Variants in KLF4 observed in about 807,000 individuals in gnomAD.
KLF4 encodes the protein Krueppel-like factor 4.
A neutral mutation model predicts 38.0 loss-of-function variants in KLF4; 14 were observed. That is an observed-to-expected ratio of 0.37 (90% CI 0.24 to 0.58). The LOEUF is 0.58. Among genes scored for constraint, KLF4 ranks in the 20% least tolerant of loss-of-function variants. The pLI is 0.76. For synonymous variants in KLF4, 398 were observed against 302.5 expected, an observed-to-expected ratio of 1.32 and a Z score of -3.28; for missense variants, 737 against 670.1, an observed-to-expected ratio of 1.10 and a Z score of -1.10.
Position 107,487,199 on chromosome 9 carries a change from G to T in KLF4, c.1100-7C>A, listed in dbSNP as rs188071068. 835 of 1,613,794 alleles carry T rather than the reference G, an allele frequency of 5.2e-4. 8 individuals carry two copies. The East Asian group carries it at 0.016, about 31-fold the overall frequency. On this transcript the variant is annotated splice_region_variant and splice_polypyrimidine_tract_variant and intron_variant, in intron 3 of 4. Coordinates refer to ENST00000374672, the MANE Select transcript of KLF4 (RefSeq NM_004235.6). The surrounding 1 kb of genome is among the most constrained non-coding windows in gnomAD (Gnocchi z 6.1). ...GAACCGGGTGGCATGAGCTCTAGGG[G>T]TGAAGAAGGTGGGGTGAGCATCATC...
At chr9:107,486,100 A>T (rs1829058484) in intron 4 of KLF4, among the ~76,000 whole-genome samples, 174 bp from the exon 5 acceptor site, 1 of 152,190 alleles carries the variant, frequency 6.6e-6, no homozygotes, top group South Asian at 2.1e-4. Context: ...ACAGAAATAC[A>T]TTCCGTGCTT....
chr9:107,487,169 T>A lies in KLF4; in HGVS notation c.1123A>T (p.Met375Leu). ...CTCTTTGGCTTGGGCTCCTCTGGCATGCAGGAACCGGGTGGCATGAGCTCT... is the reference window on the plus strand; with the variant it reads ...CTCTTTGGCTTGGGCTCCTCTGGCAAGCAGGAACCGGGTGGCATGAGCTCT... ...YQELMPPGSC[M>L]PEEPKPKRGR... is the part of the protein sequence containing the mutation. Residue 375 changes from methionine (M) to leucine (L), a missense_variant, in exon 4 of 5, where the codon ATG (methionine) becomes TTG (leucine). Met to Leu is a conservative substitution (Grantham distance 15, BLOSUM62 2). This residue lies in a region of KLF4 where 695 missense variants were observed against 554.5 expected (regional missense o/e 1.25). Coordinates refer to ENST00000374672, the MANE Select transcript of KLF4 (RefSeq NM_004235.6). The surrounding 1 kb of genome is among the most constrained non-coding windows in gnomAD (Gnocchi z 6.1). The A allele has an allele frequency of 6.2e-7, 1 of 1,614,186 alleles. No individual in the cohort carries two copies. Among genetic ancestry groups the A allele is most frequent in the Non-Finnish European group, 8.5e-7 (1 of 1,180,028 alleles).
Position 107,489,468 on chromosome 9 carries a change from G to A in KLF4, c.-296C>T. ...AGCGTCCCCCACCACTGTCGCGGTC[G>A]CCTCGAGTGCTGCCGTGGGCGCAGG... On this transcript the variant is annotated 5_prime_UTR_variant, in exon 1 of 5. Transcript: ENST00000374672. The A allele has an allele frequency of 2.7e-6, 1 of 368,910 alleles. No homozygotes were observed. The highest frequency in any genetic ancestry group is 4.8e-6 in the Non-Finnish European group (1 of 207,892). The allele number at this position is 368,910 out of a possible 1,614,324, so 22.9% of individuals were successfully genotyped here.
At position 107,485,772 on chromosome 9, in the gene KLF4, T is replaced by C; in HGVS notation, c.1419A>G (p.Leu473=). The change falls in exon 5 of 5, where the codon TTA becomes TTG. Residue 473 remains leucine (L), a synonymous_variant. Transcript: ENST00000374672. This position sits in a 1 kb window ranked among gnomAD's most constrained non-coding sequence, Gnocchi z 4.9. ...RAFSRSDHLA[L]HMKRHF ...GGATTTAAAAATGCCTCTTCATGTGTAAGGCGAGGTGGTCCGACCTGGAAA... is the reference window on the plus strand; with the variant it reads ...GGATTTAAAAATGCCTCTTCATGTGCAAGGCGAGGTGGTCCGACCTGGAAA... 1 of 1,598,314 alleles carries C rather than the reference T, an allele frequency of 6.3e-7. No individual in the cohort carries two copies. Among genetic ancestry groups the C allele is most frequent in the South Asian group, 1.1e-5 (1 of 87,938 alleles).
At chr9:107,486,065 G>T in intron 4 of KLF4, 139 bp from the exon 5 acceptor site, 2 of 695,294 alleles carry the variant, frequency 2.9e-6, no homozygotes, top group Non-Finnish European at 2.4e-6. Context: ...ACCACTGAAG[G>T]GGTGTATTGA....
At position 107,487,707 on chromosome 9, in the gene KLF4, G is replaced by C. The variant is rs1168658928; in HGVS notation, c.687C>G (p.Phe229Leu). The C allele has an allele frequency of 2.5e-6, 4 of 1,604,510 alleles. No individual in the cohort carries two copies. In the African/African-American group the frequency reaches 4.0e-5, roughly 16 times the overall value. ...QPPGGGLMGK[F>L]VLKASLSAPG... ...GGGCGCTCAGCGACGCCTTCAGCAC[G>C]AACTTGCCCATCAGCCCGCCACCTG... Residue 229 changes from phenylalanine to leucine, a missense_variant, in exon 3 of 5, where the codon TTC becomes TTG. By Grantham distance (22) the Phe-to-Leu change is conservative. Transcript: ENST00000374672. The surrounding 1 kb of genome is among the most constrained non-coding windows in gnomAD (Gnocchi z 6.1).
chr9:107,489,342 T>C lies in KLF4; in HGVS notation c.-170A>G. ...AAGCGTCTTTTTTAAAAAGTTCCTT[T>C]GTATACAAAAGTTCTTAGAAAAGTT... On this transcript the variant is annotated 5_prime_UTR_variant, in exon 1 of 5. Transcript: ENST00000374672. The C allele has an allele frequency of 1.1e-6, 1 of 938,584 alleles. No homozygotes were observed. The highest frequency in any genetic ancestry group is 3.6e-5 in the Admixed American group (1 of 27,788). 58.1% of individuals were successfully genotyped at this position (938,584 alleles called of 1,614,324 possible).
Position 107,487,567 on chromosome 9 carries a change from T to G in KLF4, c.827A>C (p.Lys276Thr). 6.3e-7 allele frequency: 1 copy of G among 1,580,878 alleles called. No homozygotes were observed. The highest frequency in any genetic ancestry group is 1.3e-5 in the African/African-American group (1 of 74,446). Residue 276 changes from lysine to threonine, a missense_variant, in exon 3 of 5, where the codon AAG (lysine) becomes ACG (threonine). Lys to Thr is a moderately conservative substitution (Grantham distance 78). Transcript: ENST00000374672. This position sits in a 1 kb window ranked among gnomAD's most constrained non-coding sequence, Gnocchi z 6.1. Reference protein sequence around the residue: ...YNGGPPRTCPKIKQEAVSSCT... With the variant: ...YNGGPPRTCPTIKQEAVSSCT... ...CGAAGAGACCGCCTCCTGCTTGATCTTGGGGCACGTGCGCGGCGGCCCGCC... is the reference window on the plus strand; with the variant it reads ...CGAAGAGACCGCCTCCTGCTTGATCGTGGGGCACGTGCGCGGCGGCCCGCC...
Position 107,489,457 on chromosome 9 carries a change from C to G in KLF4, c.-285G>C, listed in dbSNP as rs903553970. ...TTCCACTCAGCAGCGTCCCCCACCA[C>G]TGTCGCGGTCGCCTCGAGTGCTGCC... On this transcript the variant is annotated 5_prime_UTR_variant, in exon 1 of 5. Coordinates refer to ENST00000374672, the MANE Select transcript of KLF4 (RefSeq NM_004235.6). 3.8e-5 allele frequency: 14 copies of G among 371,060 alleles called. No homozygotes were observed. Among genetic ancestry groups the G allele is most frequent in the Non-Finnish European group, 6.2e-5 (13 of 209,608 alleles). The allele number at this position is 371,060 out of a possible 1,614,324, so 23.0% of individuals were successfully genotyped here.
rs1829137167 is a variant in KLF4, at chr9:107,488,793, G to A, written c.126+137C>T. 3.3e-6 allele frequency: 4 copies of A among 1,224,640 alleles called. No homozygotes were observed. The highest frequency in any genetic ancestry group is 1.5e-5 in the South Asian group (1 of 65,528). 75.9% of individuals were successfully genotyped at this position (1,224,640 alleles called of 1,614,324 possible). On this transcript the variant is annotated intron_variant, in intron 2 of 4. Transcript: ENST00000374672. This position sits in a 1 kb window ranked among gnomAD's most constrained non-coding sequence, Gnocchi z 5.7. ...GAGCCAAGGACACGGAAGCTATCCC[G>A]GGAAGGTTGCGGAGTCCGCGCGGTG...
In KLF4 at chr9:107,487,667, C is replaced by G. The variant is rs376677947; in HGVS notation, c.727G>C (p.Gly243Arg). 2 of 1,591,812 alleles carry G rather than the reference C, an allele frequency of 1.3e-6. No homozygotes were observed. The highest frequency in any genetic ancestry group is 1.1e-5 in the South Asian group (1 of 90,796). The change falls in exon 3 of 5, where the codon GGC becomes CGC. Residue 243 changes from glycine (G) to arginine (R), a missense_variant. Coordinates refer to ENST00000374672, the MANE Select transcript of KLF4 (RefSeq NM_004235.6). The surrounding 1 kb of genome is among the most constrained non-coding windows in gnomAD (Gnocchi z 6.1). ...ASLSAPGSEY[G>R]SPSVISVSKG... ...CTGACGCTGATGACCGACGGGCTGC[C>G]GTACTCGCTGCCAGGGGCGCTCAGC...
rs781728693 is a variant in KLF4 at position 107,487,115 on chromosome 9, T to C, written c.1177A>G (p.Thr393Ala). 1 of 1,614,098 alleles carries C rather than the reference T, an allele frequency of 6.2e-7. No homozygotes were observed. The highest frequency in any genetic ancestry group is 8.5e-7 in the Non-Finnish European group (1 of 1,180,020). Residue 393 changes from threonine (T) to alanine (A), a missense_variant, in exon 4 of 5, where the codon ACC (threonine) becomes GCC (alanine). Transcript: ENST00000374672. The surrounding 1 kb of genome is among the most constrained non-coding windows in gnomAD (Gnocchi z 6.1). Reference sequence around the variant, plus strand: ...GCGTAATCACAAGTGTGGGTGGCGGTCCTTTTCCGGGGCCACGATCGTCTT... The same window carrying C: ...GCGTAATCACAAGTGTGGGTGGCGGCCCTTTTCCGGGGCCACGATCGTCTT... ...RGRRSWPRKR[T>A]ATHTCDYAGC... is the part of the protein sequence containing the mutation.
At position 107,485,546 on chromosome 9, in the gene KLF4, C is replaced by G. The variant is rs1829044654; in HGVS notation, c.*205G>C. 2.0e-6 allele frequency: 1 copy of G among 494,934 alleles called. No homozygotes were observed. The highest frequency in any genetic ancestry group is 4.2e-5 in the Admixed American group (1 of 23,774). 30.7% of individuals were successfully genotyped at this position (494,934 alleles called of 1,614,324 possible). On this transcript the variant is annotated 3_prime_UTR_variant, in exon 5 of 5. Transcript: ENST00000374672. This position sits in a 1 kb window ranked among gnomAD's most constrained non-coding sequence, Gnocchi z 4.9. ...GAATTGGAATGATAGAAGATCCAGT[C>G]ACAGACCCCATCTGTTCTTTGATTT... is the stretch of plus-strand genomic sequence containing the variant.
chr9:107,488,735 T>C lies in KLF4; in HGVS notation c.126+195A>G, dbSNP rs1247629189. Reference sequence around the variant, plus strand: ...AGACCCGGCTTGCGCCCCAGGCGGCTCCGCAGTGCTCGCACCACGGGCATA... The same window carrying C: ...AGACCCGGCTTGCGCCCCAGGCGGCCCCGCAGTGCTCGCACCACGGGCATA... On this transcript the variant is annotated intron_variant, in intron 2 of 4. Coordinates refer to ENST00000374672, the MANE Select transcript of KLF4 (RefSeq NM_004235.6). This position sits in a 1 kb window ranked among gnomAD's most constrained non-coding sequence, Gnocchi z 5.7. Among the ~76,000 whole-genome samples, 1 of 152,038 alleles carries C rather than the reference T, an allele frequency of 6.6e-6. No individual in the cohort carries two copies. The highest frequency in any genetic ancestry group is 1.5e-5 in the Non-Finnish European group (1 of 68,016).
Position 107,485,823 on chromosome 9 carries a change from G to A in KLF4, c.1368C>T (p.Phe456=), listed in dbSNP as rs1000148821. ...HYRKHTGHRP[F]QCQKCDRAFS... ...ATGCTCGGTCGCATTTTTGGCACTGGAACGGGCGGTGCCCCGTGTGTTTAC... is the reference window on the plus strand; with the variant it reads ...ATGCTCGGTCGCATTTTTGGCACTGAAACGGGCGGTGCCCCGTGTGTTTAC... The change falls in exon 5 of 5, where the codon TTC becomes TTT. Residue 456 remains phenylalanine, a synonymous_variant. Transcript: ENST00000374672. This position sits in a 1 kb window ranked among gnomAD's most constrained non-coding sequence, Gnocchi z 4.9. The A allele has an allele frequency of 4.3e-6, 7 of 1,610,168 alleles. No homozygotes were observed. The highest frequency in any genetic ancestry group is 5.9e-6 in the Non-Finnish European group (7 of 1,178,800).
Position 107,488,812 on chromosome 9 carries a change from C to T in KLF4, c.126+118G>A, listed in dbSNP as rs1239579452. On this transcript the variant is annotated intron_variant, in intron 2 of 4. Coordinates refer to ENST00000374672, the MANE Select transcript of KLF4 (RefSeq NM_004235.6). This position sits in a 1 kb window ranked among gnomAD's most constrained non-coding sequence, Gnocchi z 5.7. ...TATCCCGGGAAGGTTGCGGAGTCCG[C>T]GCGGTGGCCGCTCCTTACCCTCGTT... is the stretch of plus-strand genomic sequence containing the variant. 5 of 1,371,234 alleles carry T rather than the reference C, an allele frequency of 3.6e-6. No homozygotes were observed. The East Asian group carries it at 1.0e-4, about 28-fold the overall frequency. The allele number at this position is 1,371,234 out of a possible 1,614,324, so 84.9% of individuals were successfully genotyped here. A position where few individuals can be genotyped will look rare whatever the true frequency, so the allele number is the denominator to read the frequency against.
In KLF4 at chr9:107,488,449, A is replaced by AG; in HGVS notation, c.127-183dup. 1 of 1,076,174 alleles carries AG rather than the reference A, an allele frequency of 9.3e-7. No individual in the cohort carries two copies. The highest frequency in any genetic ancestry group is 1.3e-6 in the Non-Finnish European group (1 of 773,212). 66.7% of individuals were successfully genotyped at this position (1,076,174 alleles called of 1,614,324 possible). A position where few individuals can be genotyped will look rare whatever the true frequency, so the allele number is the denominator to read the frequency against. ...TCGGCCCACTCCCGGGTCGAAGAAG[A>AG]GGTGATGCGTCTGTATTGCGGGTGT... is the stretch of plus-strand genomic sequence containing the variant. On this transcript the variant is annotated intron_variant, in intron 2 of 4. Coordinates refer to ENST00000374672, the MANE Select transcript of KLF4 (RefSeq NM_004235.6). This position sits in a 1 kb window ranked among gnomAD's most constrained non-coding sequence, Gnocchi z 5.7.
Position 107,488,129 on chromosome 9 carries a change from C to T in KLF4, c.265G>A (p.Ala89Thr). Residue 89 changes from alanine to threonine, a missense_variant, in exon 3 of 5, where the codon GCG becomes ACG. Physicochemically the swap from Ala to Thr is moderately conservative, Grantham distance 58. Coordinates refer to ENST00000374672, the MANE Select transcript of KLF4 (RefSeq NM_004235.6). The surrounding 1 kb of genome is among the most constrained non-coding windows in gnomAD (Gnocchi z 5.7). Reference sequence around the variant, plus strand: ...TCGGTCTCTCTCCGAGGTAGGGGCGCCAGGTTGCTACCGCCGCAAGCCGCA... The same window carrying T: ...TCGGTCTCTCTCCGAGGTAGGGGCGTCAGGTTGCTACCGCCGCAAGCCGCA... The part of the protein sequence containing the change: ...AGAACGGSNL[A>T]PLPRRETEEF... The T allele has an allele frequency of 6.2e-7, 1 of 1,612,690 alleles. No individual in the cohort carries two copies. Among genetic ancestry groups the T allele is most frequent in the Non-Finnish European group, 8.5e-7 (1 of 1,179,880 alleles).
In KLF4 at chr9:107,488,984, C is replaced by T. The variant is rs896901881; in HGVS notation, c.72G>A (p.Ala24=). 3 of 1,569,786 alleles carry T rather than the reference C, an allele frequency of 1.9e-6. No homozygotes were observed. Among genetic ancestry groups the T allele is most frequent in the Admixed American group, 1.9e-5 (1 of 53,712 alleles). The change falls in exon 2 of 5, where the codon GCG becomes GCA. Residue 24 remains alanine, a synonymous_variant. Transcript: ENST00000374672. The surrounding 1 kb of genome is among the most constrained non-coding windows in gnomAD (Gnocchi z 5.7). ...DALLPSFSTF[A]SGPAGREKTL... is the part of the protein sequence containing the mutation. ...TCTTCTCCCTTCCCGCCGGGCCAGA[C>T]GCGAACGTGGAGAAAGATGGGAGCA...
Sources: allele counts gnomAD v4.1 joint callset (sites outside exome capture counted in the v4.1 genomes callset), GRCh38; gene constraint gnomAD v4.1.1; regional missense constraint gnomAD v4.1.1; non-coding constraint Gnocchi (gnomAD v3.1); transcripts MANE v1.5; gene names NCBI Gene and HGNC (gene_info 2026-07-23, HGNC 2026-07-21).